The following PAPOLG variants were observed in gnomAD, a reference collection of about 807,000 sequenced individuals.
PAPOLG encodes PAP-gamma.
PAPOLG carries 40 observed loss-of-function variants against 99.0 expected under a neutral mutation model. The observed-to-expected ratio is 0.40, with a 90% confidence interval of 0.31 to 0.53. The LOEUF is 0.53. Ranked by LOEUF, PAPOLG falls within the 20% of genes least tolerant of loss-of-function variation. The probability of loss-of-function intolerance (pLI) is 0.41; values close to 1 mark genes in which losing one functional copy is unlikely to be tolerated. For synonymous variants in PAPOLG, 310 were observed against 299.3 expected, an observed-to-expected ratio of 1.04 and a Z score of -0.37; for missense variants, 675 against 884.1, an observed-to-expected ratio of 0.76 and a Z score of 3.00.
At chr2:60,773,823 T>G (rs184280999) in intron 7 of PAPOLG, among the ~76,000 whole-genome samples, 4 of 152,330 alleles carry the variant, frequency 2.6e-5, no homozygotes, top group Admixed American at 2.6e-4. Flanking sequence ...AGCTTAAATT[T>G]TATTATTGGC....
chr2:60,796,913 G>C (rs13398594), intron 21 of PAPOLG, 149 bp from the exon 22 acceptor site: 2 of 957,506 alleles, frequency 2.1e-6, no homozygotes, highest in Admixed American at 3.0e-5. Context: ...TATGAACACG[G>C]AAGGAAATAT....
At chr2:60,780,677 G>T (rs1361930015) in intron 9 of PAPOLG, 30 bp from the exon 10 acceptor site, 1 of 1,609,136 alleles carries the variant, frequency 6.2e-7, no homozygotes, top group Admixed American at 1.7e-5. Flanking sequence ...GTGAGATCAT[G>T]TGTAAGTTAA....
intron 3 of PAPOLG, among the ~76,000 whole-genome samples, chr2:60,765,688 G>A (rs186114948): frequency 6.6e-6 from 1 of 152,326 alleles, no homozygotes; most frequent in Admixed American, 6.5e-5. Context: ...TACTATGGCT[G>A]TGGCAAACTG....
chr2:60,761,369 A>G (rs1335566529), intron 2 of PAPOLG, among the ~76,000 whole-genome samples: 1 of 152,228 alleles, frequency 6.6e-6, no homozygotes, highest in African/African-American at 2.4e-5. Flanking sequence ...ATTACTAGCA[A>G]TGAGAGAATT....
At chr2:60,793,482 T>G (rs1056799180) in intron 17 of PAPOLG, 145 bp from the exon 18 acceptor site, 1 of 868,782 alleles carries the variant, frequency 1.2e-6, no homozygotes. Context: ...CAAAGTTACT[T>G]GAGTCCAGGA....
chr2:60,766,721 A>AGG (rs1670688095), intron 3 of PAPOLG, among the ~76,000 whole-genome samples: 1 of 149,960 alleles, frequency 6.7e-6, no homozygotes. Flanking sequence ...GATGCCCAGA[A>AGG]AGAATGGGCA....
chr2:60,795,228 A>G (rs1671660343), intron 21 of PAPOLG: 1 of 656,628 alleles, frequency 1.5e-6, no homozygotes, highest in African/African-American at 1.8e-5. Context: ...AAGAGGCAGT[A>G]GTTTAAGACA....
chr2:60,768,617 G>A (rs937982910), intron 4 of PAPOLG, 66 bp downstream of exon 4: 2 of 1,428,246 alleles, frequency 1.4e-6, no homozygotes, highest in South Asian at 1.2e-5. Flanking sequence ...ATTAGAAAAT[G>A]TAGGAGAACA....
chr2:60,771,495 C>T (rs1281685102), intron 6 of PAPOLG, 24 bp from the exon 7 acceptor site: 10 of 1,561,606 alleles, frequency 6.4e-6, no homozygotes, highest in Non-Finnish European at 8.6e-6. Flanking sequence ...TAATTTTTTT[C>T]TCTTTTTTCA....
Position 60,782,765 on chromosome 2 carries a change from G to T in PAPOLG, c.1107G>T (p.Lys369Asn). 6.6e-7 allele frequency: 1 copy of T among 1,509,104 alleles called. No individual in the cohort carries two copies. The highest frequency in any genetic ancestry group is 1.5e-5 in the African/African-American group (1 of 66,604). The allele number at this position is 1,509,104 out of a possible 1,614,324, so 93.5% of individuals were successfully genotyped here. A position where few individuals can be genotyped will look rare whatever the true frequency, so the allele number is the denominator to read the frequency against. Residue 369 changes from lysine to asparagine, a missense_variant, in exon 12 of 22, where the codon AAG (lysine) becomes AAT (asparagine). Coordinates refer to ENST00000238714, the MANE Select transcript of PAPOLG (RefSeq NM_022894.4). ...TTGAGCCACCGAATTTCTTTCAAAAGTATAGGTACGTGAAATTTTGTATTT... is the reference window on the plus strand; with the variant it reads ...TTGAGCCACCGAATTTCTTTCAAAATTATAGGTACGTGAAATTTTGTATTT... ...KLLEPPNFFQ[K>N]YRHYIVLTAS... is the part of the protein sequence containing the mutation.
chr2:60,756,389 C>T lies in PAPOLG; in HGVS notation c.-90C>T. 6.4e-7 allele frequency: 1 copy of T among 1,567,216 alleles called. No individual in the cohort carries two copies. Among genetic ancestry groups the T allele is most frequent in the Admixed American group, 1.7e-5 (1 of 59,828 alleles). The stretch of plus-strand genomic sequence containing the variant: ...GAGCGAGCAAGCGAGCTACTAGCGA[C>T]CGGAGGAAAGTGAACAGGGGGAGAA... On this transcript the variant is annotated 5_prime_UTR_variant, in exon 1 of 22. Coordinates refer to ENST00000238714, the MANE Select transcript of PAPOLG (RefSeq NM_022894.4).
chr2:60,792,106 C>G, intron 16 of PAPOLG, 23 bp from the exon 17 acceptor site: 1 of 1,564,284 alleles, frequency 6.4e-7, no homozygotes, highest in Non-Finnish European at 8.6e-7. Flanking sequence ...TTTTGAAATC[C>G]TAAAATCGTT....
intron 8 of PAPOLG, among the ~76,000 whole-genome samples, chr2:60,778,503 T>C (rs1671090491): frequency 6.6e-6 from 1 of 152,044 alleles, no homozygotes; most frequent in Non-Finnish European, 1.5e-5. Context: ...AGGTTTCTTT[T>C]CGGGGTGCTG....
intron 19 of PAPOLG, chr2:60,794,414 T>A: frequency 1.7e-6 from 1 of 595,034 alleles, no homozygotes. Flanking sequence ...TTTACAGAAG[T>A]CATTACTGAT....
At chr2:60,789,019 C>A (rs1671451608) in intron 15 of PAPOLG, among the ~76,000 whole-genome samples, 1 of 151,994 alleles carries the variant, frequency 6.6e-6, no homozygotes, top group African/African-American at 2.4e-5. Context: ...GAGTTCATGT[C>A]CTTCGTAGGG....
At chr2:60,776,671 G>A (rs1420291475) in intron 8 of PAPOLG, among the ~76,000 whole-genome samples, 1 of 151,942 alleles carries the variant, frequency 6.6e-6, no homozygotes, top group Non-Finnish European at 1.5e-5. Flanking sequence ...CAGGTGATCT[G>A]CCTGCCTTGG....
intron 13 of PAPOLG, 48 bp from the exon 14 acceptor site, chr2:60,786,899 C>T (rs767345018): frequency 2.0e-5 from 32 of 1,572,222 alleles, no homozygotes; most frequent in Non-Finnish European, 2.3e-5. Flanking sequence ...GTGTAGCTTT[C>T]AAATTTAAAG....
chr2:60,800,786 G>T lies in PAPOLG; in HGVS notation c.*3626G>T, dbSNP rs11678813. The T allele has an allele frequency of 0.11, 16,757 of 152,208 alleles. 899 individuals carry two copies. The highest frequency in any genetic ancestry group is 0.14 in the Middle Eastern group (40 of 292). 9.4% of individuals were successfully genotyped at this position (152,208 alleles called of 1,614,324 possible). On this transcript the variant is annotated 3_prime_UTR_variant, in exon 22 of 22. Transcript: ENST00000238714. ...AGATCAGCTTCTCGAAGTGGCAAAA[G>T]TATGGGAGTTAGGGTTAGGAACCAC...
chr2:60,785,713 A>T (rs76986987), intron 13 of PAPOLG, among the ~76,000 whole-genome samples: 2,578 of 127,838 alleles, frequency 0.02, 78 homozygotes, highest in African/African-American at 0.069. Context: ...TTTTTATCTT[A>T]TAGGGATGGA....
Sources: gnomAD v4.1 joint callset for allele counts (sites outside exome capture counted in the v4.1 genomes callset) on GRCh38, gnomAD v4.1.1 for gene constraint, MANE v1.5 for transcripts, NCBI Gene and HGNC (gene_info 2026-07-23, HGNC 2026-07-21) for gene names.